DNER: variants seen among roughly 807,000 people sequenced by gnomAD.
The protein encoded by DNER is delta/notch like EGF repeat containing, also known as delta and Notch-like epidermal growth factor-related receptor.
DNER carries 33 observed loss-of-function variants against 78.2 expected under a neutral mutation model. The observed-to-expected ratio is 0.42, with a 90% CI of 0.32 to 0.56. The LOEUF (loss-of-function observed/expected upper bound fraction) is 0.56, where lower values mean the gene tolerates loss of function less well. Among genes scored for constraint, DNER ranks in the 20% least tolerant of loss-of-function variants. DNER has a pLI of 0.11. For synonymous variants in DNER, 417 were observed against 384.8 expected, an observed-to-expected ratio of 1.08 and a Z score of -0.98; for missense variants, 918 against 975.3, an observed-to-expected ratio of 0.94 and a Z score of 0.78.
rs536568878 is a variant in DNER, at chr2:229,444,174, C to T, written c.1486+3142G>A. Among the ~76,000 whole-genome samples, 4 of 152,258 alleles carry T rather than the reference C, an allele frequency of 2.6e-5. No individual in the cohort carries two copies. In the South Asian group the frequency reaches 6.2e-4, roughly 24 times the overall value. On this transcript the variant is annotated intron_variant, in intron 8 of 12. Transcript: ENST00000341772. ...CATGAATGTTTTAGCAGAGAATAGACGGAAGGAAAGTGGAAATTAAACAGG... is the reference window on the plus strand; with the variant it reads ...CATGAATGTTTTAGCAGAGAATAGATGGAAGGAAAGTGGAAATTAAACAGG...
intron 4 of DNER, among the ~76,000 whole-genome samples, chr2:229,554,043 C>A (rs1165432606): frequency 1.3e-5 from 2 of 152,244 alleles, no homozygotes; most frequent in Non-Finnish European, 2.9e-5. Context: ...GTAGGCTGAC[C>A]ATGGAATTTA....
At chr2:229,600,890 A>T (rs759539) in intron 1 of DNER, among the ~76,000 whole-genome samples, 60,108 of 151,946 alleles carry the variant, frequency 0.4, 11,947 homozygotes, top group East Asian at 0.5. Flanking sequence ...CAGGAGAGTG[A>T]CTCTGTCTGC....
intron 11 of DNER, among the ~76,000 whole-genome samples, chr2:229,381,915 C>T (rs958947567): frequency 6.6e-5 from 10 of 152,206 alleles, no homozygotes; most frequent in African/African-American, 2.4e-4. Flanking sequence ...CCCAGCACAG[C>T]ACTTGAGCTC....
chr2:229,504,737 T>A (rs1298617596), intron 6 of DNER, among the ~76,000 whole-genome samples: 1 of 152,248 alleles, frequency 6.6e-6, no homozygotes, highest in Non-Finnish European at 1.5e-5. Context: ...GCACACCACA[T>A]AGTTGCAAAC....
At chr2:229,403,437 G>A (rs547373337) in intron 10 of DNER, among the ~76,000 whole-genome samples, 2 of 152,234 alleles carry the variant, frequency 1.3e-5, no homozygotes, top group South Asian at 4.2e-4. Flanking sequence ...GAATCTGCAC[G>A]TGGGATGTAT....
chr2:229,510,756 T>C (rs1236842481), intron 6 of DNER, among the ~76,000 whole-genome samples: 1 of 152,114 alleles, frequency 6.6e-6, no homozygotes, highest in Non-Finnish European at 1.5e-5. Flanking sequence ...GGCTGTCAAG[T>C]AAGTAGGTCT....
intron 1 of DNER, among the ~76,000 whole-genome samples, chr2:229,604,342 T>G (rs1559180023): frequency 6.6e-6 from 1 of 152,216 alleles, no homozygotes. Context: ...TAGTAGGCTC[T>G]CAAAAAATAT....
chr2:229,674,579 C>T (rs1008665979), intron 1 of DNER, among the ~76,000 whole-genome samples: 3 of 152,258 alleles, frequency 2.0e-5, no homozygotes, highest in Admixed American at 6.5e-5. Context: ...GCGCCTGGCC[C>T]CTTGTTCTTA....
At chr2:229,651,552 C>T (rs1271282043) in intron 1 of DNER, among the ~76,000 whole-genome samples, 6 of 152,158 alleles carry the variant, frequency 3.9e-5, no homozygotes, top group Non-Finnish European at 5.9e-5. Context: ...CTGAGGGTGC[C>T]GAAGGACCCA....
intron 10 of DNER, among the ~76,000 whole-genome samples, chr2:229,393,795 C>A (rs1003660562): frequency 1.3e-5 from 2 of 151,446 alleles, no homozygotes; most frequent in Admixed American, 6.6e-5. Context: ...TGCAGTGAGC[C>A]GGGTTCATGC....
At chr2:229,639,861 A>C (rs1698587070) in intron 1 of DNER, among the ~76,000 whole-genome samples, 1 of 152,162 alleles carries the variant, frequency 6.6e-6, no homozygotes, top group Non-Finnish European at 1.5e-5. Context: ...TGTCGGACTC[A>C]GGAGCTCATA....
rs200356066 is a variant in DNER at position 229,632,934 on chromosome 2, C to G, written c.277-41046G>C. 2.6e-5 allele frequency among the ~76,000 whole-genome samples: 4 copies of G among 152,270 alleles called. No individual in the cohort carries two copies. The East Asian group carries it at 7.7e-4, about 29-fold the overall frequency. On this transcript the variant is annotated intron_variant, in intron 1 of 12. Transcript: ENST00000341772. The stretch of plus-strand genomic sequence containing the variant: ...AATGCAAACTGAAAAAAGATAGCCG[C>G]TTTCCCTACTAAATTAGCAAGAATA...
chr2:229,635,810 C>T lies in DNER; in HGVS notation c.277-43922G>A, dbSNP rs529946839. ...TACAACATTTACCATGTACTGGTAA[C>T]AAAAGCAAAACAAATATTTTGTGTA... On this transcript the variant is annotated intron_variant, in intron 1 of 12. Coordinates refer to ENST00000341772, the MANE Select transcript of DNER (RefSeq NM_139072.4). Among the ~76,000 whole-genome samples, 43 of 152,214 alleles carry T rather than the reference C, an allele frequency of 2.8e-4. 1 individual carries two copies. In the South Asian group the frequency reaches 8.5e-3, roughly 30 times the overall value.
intron 2 of DNER, 62 bp from the exon 3 acceptor site, chr2:229,588,550 T>C (rs1314429738): frequency 4.2e-6 from 6 of 1,434,552 alleles, no homozygotes; most frequent in Non-Finnish European, 5.8e-6. Flanking sequence ...CATAATGTGA[T>C]AAAGCAAAAT....
intron 1 of DNER, among the ~76,000 whole-genome samples, chr2:229,642,568 G>A (rs1206290056): frequency 6.6e-6 from 1 of 152,220 alleles, no homozygotes; most frequent in Non-Finnish European, 1.5e-5. Flanking sequence ...TCTGGCTCCT[G>A]ACCAGAGAGG....
chr2:229,467,636 G>C (rs549307854), intron 7 of DNER, among the ~76,000 whole-genome samples: 1 of 152,224 alleles, frequency 6.6e-6, no homozygotes, highest in African/African-American at 2.4e-5. Flanking sequence ...GTCTAAAGAG[G>C]GGTATGTGTG....
intron 8 of DNER, among the ~76,000 whole-genome samples, chr2:229,437,546 G>C (rs1694147975): frequency 6.6e-6 from 1 of 152,120 alleles, no homozygotes; most frequent in African/African-American, 2.4e-5. Context: ...CCTTATTGGT[G>C]GTCTAATTGG....
At chr2:229,524,790 A>G (rs1347122105) in intron 5 of DNER, among the ~76,000 whole-genome samples, 2 of 152,210 alleles carry the variant, frequency 1.3e-5, no homozygotes, top group Non-Finnish European at 2.9e-5. Flanking sequence ...GATCCCTTAT[A>G]GAGAGTCTCC....
At chr2:229,531,467 A>G (rs555274142) in intron 5 of DNER, among the ~76,000 whole-genome samples, 1 of 152,338 alleles carries the variant, frequency 6.6e-6, no homozygotes, top group African/African-American at 2.4e-5. Context: ...CAAGATACCA[A>G]TTCACACTCA....
Sources: gnomAD v4.1 joint callset for allele counts (sites outside exome capture counted in the v4.1 genomes callset) on GRCh38, gnomAD v4.1.1 for gene constraint, MANE v1.5 for transcripts, NCBI Gene and HGNC (gene_info 2026-07-23, HGNC 2026-07-21) for gene names.